The following TLE2 variants were observed in gnomAD, a reference collection of about 807,000 sequenced individuals.
The protein encoded by TLE2 is TLE family member 2, transcriptional corepressor.
TLE2 carries 74 observed loss-of-function variants against 97.2 expected under a neutral mutation model. The observed-to-expected ratio is 0.76, with a 90% confidence interval of 0.63 to 0.92. The LOEUF is 0.92. Ranked by LOEUF, TLE2 falls within the 40% of genes least tolerant of loss-of-function variation. The pLI, the probability that TLE2 is intolerant of heterozygous loss-of-function variation, is 0.00. For missense variants in TLE2, 1,038 were observed against 1,008.7 expected (o/e 1.03, Z -0.39); for synonymous variants, 499 against 432.1 (o/e 1.15, Z -1.92).
At chr19:3,046,850 C>T (rs1003239080), upstream of TLE2, among the ~76,000 whole-genome samples, 1 of 151,132 alleles carries the variant, frequency 6.6e-6, no homozygotes, top group Non-Finnish European at 1.5e-5. Flanking sequence ...CCCCAGTCCT[C>T]TCTGCTCCCC....
intron 8 of TLE2, among the ~76,000 whole-genome samples, chr19:3,016,188 G>A (rs1452834930): frequency 2.0e-5 from 3 of 151,360 alleles, no homozygotes; most frequent in Non-Finnish European, 4.4e-5. Context: ...CACCTGCCTC[G>A]GCCTCCCAAA....
At chr19:3,020,376 C>T (rs1373532756) in intron 5 of TLE2, 2 of 152,246 alleles carry the variant, frequency 1.3e-5, no homozygotes, top group Non-Finnish European at 2.9e-5. Flanking sequence ...CTGGCCTCCA[C>T]CCACTCCATG....
intron 17 of TLE2, among the ~76,000 whole-genome samples, chr19:3,003,114 G>C (rs1294870738): frequency 1.3e-5 from 2 of 152,154 alleles, no homozygotes; most frequent in Non-Finnish European, 2.9e-5. Flanking sequence ...CCAGGACTGG[G>C]AACACAGCAG....
intron 18 of TLE2, among the ~76,000 whole-genome samples, chr19:3,001,451 C>A (rs1304666027): frequency 6.6e-6 from 1 of 151,770 alleles, no homozygotes; most frequent in Non-Finnish European, 1.5e-5. Context: ...TATAAGATAT[C>A]CCATGTACTA....
chr19:3,019,929 C>T lies in TLE2; in HGVS notation c.295-156G>A, dbSNP rs2145182013. 1.9e-6 allele frequency: 2 copies of T among 1,047,572 alleles called. No homozygotes were observed. Among genetic ancestry groups the T allele is most frequent in the East Asian group, 2.7e-5 (1 of 37,568 alleles). 64.9% of individuals were successfully genotyped at this position (1,047,572 alleles called of 1,614,324 possible). A position where few individuals can be genotyped will look rare whatever the true frequency, so the allele number is the denominator to read the frequency against. On this transcript the variant is annotated intron_variant, in intron 5 of 19. Transcript: ENST00000262953. This position sits in a 1 kb window ranked among gnomAD's most constrained non-coding sequence, Gnocchi z 5.1. ...TTTTCCCTCTCACTCTCTCCCTTTC[C>T]TTTTGGAATTTTGAAATAAGCACAC...
chr19:3,000,582 T>C, intron 19 of TLE2, 65 bp downstream of exon 19: 3 of 1,452,640 alleles, frequency 2.1e-6, no homozygotes, highest in Non-Finnish European at 2.8e-6. Context: ...GCAATCTCTC[T>C]GTCTGACCCT....
chr19:3,000,624 G>A (rs547759793), intron 19 of TLE2, 23 bp downstream of exon 19: 17 of 1,564,380 alleles, frequency 1.1e-5, no homozygotes, highest in Middle Eastern at 3.6e-4. Context: ...CTGCCAGAGT[G>A]GGGGCTCCAG....
At chr19:3,027,993 G>T (rs1289142112) in intron 3 of TLE2, 120 bp from the exon 4 acceptor site, 2 of 997,878 alleles carry the variant, frequency 2.0e-6, no homozygotes, top group African/African-American at 1.6e-5. Flanking sequence ...AGGAAGCAGA[G>T]CCCCCCCCAG....
chr19:3,021,118 G>C (rs188581871), intron 5 of TLE2, among the ~76,000 whole-genome samples: 2 of 119,090 alleles, frequency 1.7e-5, no homozygotes, highest in African/African-American at 6.1e-5. Context: ...AAAAAAAGGG[G>C]GGGGGGTGCT....
intron 11 of TLE2, among the ~76,000 whole-genome samples, chr19:3,011,682 C>T (rs2089600893): frequency 6.6e-6 from 1 of 151,476 alleles, no homozygotes; most frequent in Non-Finnish European, 1.5e-5. Flanking sequence ...AAAACCCCAT[C>T]TCTACTAAAA....
At position 3,027,892 on chromosome 19, in the gene TLE2, G is replaced by GT. The variant is rs1246785943; in HGVS notation, c.187-20dup. The GT allele has an allele frequency of 3.7e-6, 6 of 1,605,632 alleles. No individual in the cohort carries two copies. The African/African-American group carries it at 8.0e-5, about 21-fold the overall frequency. On this transcript the variant is annotated intron_variant, in intron 3 of 19. Transcript: ENST00000262953. ...CATAATACTGCAAAGGAAAAACCAA[G>GT]TAAGAACGTCTAGGGTGGAGATGGG...
intron 1 of TLE2, among the ~76,000 whole-genome samples, chr19:3,037,795 A>G (rs1599255059): frequency 6.6e-6 from 1 of 152,074 alleles, no homozygotes; most frequent in East Asian, 1.9e-4. Context: ...TTAATAATAG[A>G]ATCTTCAAAT....
chr19:3,025,429 G>A, intron 4 of TLE2: 1 of 1,089,286 alleles, frequency 9.2e-7, no homozygotes, highest in Non-Finnish European at 1.1e-6. Flanking sequence ...CAGAGGTGCT[G>A]GGCTCAGCTG....
chr19:3,011,956 CA>C (rs1481530294), intron 11 of TLE2, among the ~76,000 whole-genome samples: 1 of 148,418 alleles, frequency 6.7e-6, no homozygotes, highest in Non-Finnish European at 1.5e-5. Context: ...TCAAAACTAA[CA>C]TGATCAGACA....
Position 3,029,220 on chromosome 19 carries a change from G to C in TLE2, c.-316C>G. 1 of 386,538 alleles carries C rather than the reference G, an allele frequency of 2.6e-6. No homozygotes were observed. The allele number at this position is 386,538 out of a possible 1,614,324, so 23.9% of individuals were successfully genotyped here. A position where few individuals can be genotyped will look rare whatever the true frequency, so the allele number is the denominator to read the frequency against. On this transcript the variant is annotated 5_prime_UTR_variant, in exon 1 of 20. Coordinates refer to ENST00000262953, the MANE Select transcript of TLE2 (RefSeq NM_003260.5). Reference sequence around the variant, plus strand: ...GTCGGGCGCGCCGCGGCCGGGTTTCGGTGGCGGCGGCGCGGGCGGCGGGCC... The same window carrying C: ...GTCGGGCGCGCCGCGGCCGGGTTTCCGTGGCGGCGGCGCGGGCGGCGGGCC...
At chr19:3,005,307 G>T in intron 17 of TLE2, 130 bp downstream of exon 17, 1 of 1,293,344 alleles carries the variant, frequency 7.7e-7, no homozygotes, top group Non-Finnish European at 1.0e-6. Context: ...TGGGGGACAA[G>T]AAAGATGGAC....
chr19:3,005,394 T>TTCCTA, intron 17 of TLE2, 43 bp downstream of exon 17: 1 of 1,605,028 alleles, frequency 6.2e-7, no homozygotes, highest in Non-Finnish European at 8.5e-7. Context: ...GGATGCTGTA[T>TTCCTA]TCCTAGAGCT....
Position 2,997,918 on chromosome 19 carries a change from G to C in TLE2, c.2162C>G (p.Ser721Cys), listed in dbSNP as rs755096507. The C allele has an allele frequency of 1.9e-6, 3 of 1,613,050 alleles. No individual in the cohort carries two copies. Among genetic ancestry groups the C allele is most frequent in the South Asian group, 2.2e-5 (2 of 90,864 alleles). The change falls in exon 20 of 20, where the codon TCC becomes TGC. Residue 721 changes from serine (S) to cysteine (C), a missense_variant. Ser to Cys is a moderately radical substitution (Grantham distance 112). Transcript: ENST00000262953. ...TGTCACGATGTATTTGTTATTTCTG[G>C]AGATGTCACAACTCAGGACTGAGGA... is the stretch of plus-strand genomic sequence containing the variant. ...ESSSVLSCDI[S>C]RNNKYIVTGS...
chr19:3,009,325 A>G lies in TLE2; in HGVS notation c.1173+217T>C, dbSNP rs1318063170. 3.9e-5 allele frequency among the ~76,000 whole-genome samples: 6 copies of G among 152,256 alleles called. 1 individual carries two copies. Among genetic ancestry groups the G allele is most frequent in the Admixed American group, 3.9e-4 (6 of 15,288 alleles). On this transcript the variant is annotated intron_variant, in intron 13 of 19. Transcript: ENST00000262953. Reference sequence around the variant, plus strand: ...CTACTGCTCCTCTTCATGCAGCTTAATCGCTGTTGCGTTTTTCCACAATCA... The same window carrying G: ...CTACTGCTCCTCTTCATGCAGCTTAGTCGCTGTTGCGTTTTTCCACAATCA...
Sources: allele counts gnomAD v4.1 joint callset (sites outside exome capture counted in the v4.1 genomes callset), GRCh38; gene constraint gnomAD v4.1.1; non-coding constraint Gnocchi (gnomAD v3.1); transcripts MANE v1.5; gene names NCBI Gene and HGNC (gene_info 2026-07-23, HGNC 2026-07-21).